The following TIAM1 variants were observed in gnomAD, a reference collection of about 807,000 sequenced individuals.
The protein encoded by TIAM1 is TIAM Rac1 associated GEF 1.
A neutral mutation model predicts 163.5 loss-of-function variants in TIAM1; 65 were observed. That is an observed-to-expected ratio of 0.40 (90% CI 0.33 to 0.49). The LOEUF (loss-of-function observed/expected upper bound fraction) is 0.49, where lower values mean the gene tolerates loss of function less well. TIAM1 is among the 20% of genes least tolerant of loss of function. The probability of loss-of-function intolerance (pLI) is 0.77; values close to 1 mark genes in which losing one functional copy is unlikely to be tolerated. For missense variants in TIAM1, 1,789 were observed against 2,044.7 expected (o/e 0.87, Z 2.41); for synonymous variants, 833 against 810.1 (o/e 1.03, Z -0.48).
chr21:31,514,189 G>GT (rs2047305850), intron 1 of TIAM1, among the ~76,000 whole-genome samples: 1 of 152,084 alleles, frequency 6.6e-6, no homozygotes, highest in Non-Finnish European at 1.5e-5. Context: ...TCCCTGACTT[G>GT]TAGAATCAAA....
chr21:31,494,164 C>A (rs1454314407), intron 1 of TIAM1, among the ~76,000 whole-genome samples: 2 of 152,114 alleles, frequency 1.3e-5, no homozygotes, highest in African/African-American at 2.4e-5. Context: ...TCCAGCCACC[C>A]TGGCCTCCCA....
intron 11 of TIAM1, among the ~76,000 whole-genome samples, chr21:31,208,565 G>A (rs914430257): frequency 6.6e-5 from 10 of 152,132 alleles, no homozygotes; most frequent in East Asian, 5.8e-4. Context: ...TAGAACCCTC[G>A]TACATGAAGG....
At chr21:31,359,383 A>T (rs893896524) in intron 2 of TIAM1, among the ~76,000 whole-genome samples, 1 of 152,184 alleles carries the variant, frequency 6.6e-6, no homozygotes, top group Non-Finnish European at 1.5e-5. Context: ...CCTAAAAATA[A>T]ATACATTTGT....
At chr21:31,535,380 CAAAAAAAAAAAAAAAAAA>C (rs59742048) in intron 1 of TIAM1, among the ~76,000 whole-genome samples, 1 of 54,280 alleles carries the variant, frequency 1.8e-5, no homozygotes, top group Non-Finnish European at 3.2e-5. Flanking sequence ...GGCTCCATCT[CAAAAAAAAAAAAAAAAAA>C]AAAAAAAAAA....
chr21:31,242,951 C>G (rs1287742891), intron 6 of TIAM1, among the ~76,000 whole-genome samples: 1 of 150,274 alleles, frequency 6.7e-6, no homozygotes, highest in African/African-American at 2.4e-5. Context: ...CTTTGGAAGG[C>G]CAAGGCAGGT....
At chr21:31,255,364 T>C (rs1368079142) in intron 4 of TIAM1, among the ~76,000 whole-genome samples, 4 of 152,180 alleles carry the variant, frequency 2.6e-5, no homozygotes, top group Non-Finnish European at 4.4e-5. Flanking sequence ...GTCATGAAAC[T>C]TGGGATGTCC....
At chr21:31,488,995 T>C (rs1405842725) in intron 1 of TIAM1, among the ~76,000 whole-genome samples, 1 of 111,590 alleles carries the variant, frequency 9.0e-6, no homozygotes, top group Non-Finnish European at 1.8e-5. Flanking sequence ...GGAAAATGCA[T>C]GCTACAATCA....
rs758253761 is a variant in TIAM1, at chr21:31,299,718, C to G, written c.-188-22810G>C. 2.0e-5 allele frequency among the ~76,000 whole-genome samples: 3 copies of G among 152,162 alleles called. 1 individual carries two copies. In the South Asian group the frequency reaches 6.2e-4, roughly 32 times the overall value. ...TTGGGGAATGGGCTTCAGAGCCAGA[C>G]AGAATCGGCGGGGATTTTGCCTCTG... On this transcript the variant is annotated intron_variant, in intron 2 of 27. Transcript: ENST00000541036.
chr21:31,263,215 C>G (rs951364208), intron 4 of TIAM1, among the ~76,000 whole-genome samples: 5 of 152,176 alleles, frequency 3.3e-5, no homozygotes, highest in African/African-American at 1.2e-4. Context: ...GGTTTCCATG[C>G]ATGGTATCCT....
Position 31,130,893 on chromosome 21 carries a change from TTTC to T in TIAM1, c.3936_3938del (p.Lys1313del). 6.2e-7 allele frequency: 1 copy of T among 1,613,876 alleles called. No homozygotes were observed. The highest frequency in any genetic ancestry group is 8.5e-7 in the Non-Finnish European group (1 of 1,179,806). On this transcript the variant is annotated inframe_deletion, in exon 24 of 28. Coordinates refer to ENST00000541036, the MANE Select transcript of TIAM1 (RefSeq NM_001353694.2). Reference sequence around the variant, plus strand: ...GGGGTAACATAAGATGTCTTACAAGTTTCTTCTTCTGTTTGGAACCATCTTTAT... The same window carrying T: ...GGGGTAACATAAGATGTCTTACAAGTTTCTTCTGTTTGGAACCATCTTTAT...
intron 2 of TIAM1, among the ~76,000 whole-genome samples, chr21:31,429,025 G>A (rs1339749022): frequency 6.9e-6 from 1 of 144,852 alleles, no homozygotes; most frequent in Admixed American, 6.7e-5. Context: ...TTTAAGGCAG[G>A]GTCTCACTCT....
intron 2 of TIAM1, among the ~76,000 whole-genome samples, chr21:31,320,319 G>A (rs574412194): frequency 1.3e-5 from 2 of 152,218 alleles, no homozygotes; most frequent in East Asian, 3.9e-4. Flanking sequence ...TGAGAAATGG[G>A]AGCTATTGCT....
chr21:31,468,863 G>C (rs956614901), intron 1 of TIAM1, among the ~76,000 whole-genome samples: 1 of 151,702 alleles, frequency 6.6e-6, no homozygotes, highest in African/African-American at 2.4e-5. Context: ...TGGGATCTGT[G>C]CCTGGGAGGC....
At chr21:31,336,340 C>T (rs985357293) in intron 2 of TIAM1, among the ~76,000 whole-genome samples, 11 of 152,132 alleles carry the variant, frequency 7.2e-5, no homozygotes, top group African/African-American at 2.7e-4. Context: ...TGCTTAAACT[C>T]CCTCCGGGGG....
At chr21:31,196,747 C>A (rs921766355) in intron 12 of TIAM1, among the ~76,000 whole-genome samples, 14 of 152,158 alleles carry the variant, frequency 9.2e-5, no homozygotes, top group Admixed American at 7.9e-4. Context: ...ACTTGGTATA[C>A]ATCCAAAAGA....
At chr21:31,464,666 A>C (rs1392291787) in intron 1 of TIAM1, among the ~76,000 whole-genome samples, 2 of 151,666 alleles carry the variant, frequency 1.3e-5, no homozygotes, top group Non-Finnish European at 2.9e-5. Context: ...AACATGGTGA[A>C]ACCCTGTCTC....
At chr21:31,467,173 C>A (rs992152409) in intron 1 of TIAM1, among the ~76,000 whole-genome samples, 4 of 152,156 alleles carry the variant, frequency 2.6e-5, no homozygotes, top group South Asian at 2.1e-4. Context: ...ATAAAAACTT[C>A]TTTTAAAGAT....
intron 2 of TIAM1, among the ~76,000 whole-genome samples, chr21:31,332,042 A>G (rs1292950036): frequency 6.6e-6 from 1 of 152,170 alleles, no homozygotes; most frequent in African/African-American, 2.4e-5. Context: ...ACAAAATGGT[A>G]TATTTTCCCA....
intron 4 of TIAM1, among the ~76,000 whole-genome samples, chr21:31,261,975 G>A (rs2072500723): frequency 6.6e-6 from 1 of 152,086 alleles, no homozygotes; most frequent in Admixed American, 6.6e-5. Context: ...TCACAAGCAT[G>A]CACAACGGCT....
Sources: gnomAD v4.1 joint callset for allele counts (sites outside exome capture counted in the v4.1 genomes callset) on GRCh38, gnomAD v4.1.1 for gene constraint, MANE v1.5 for transcripts, NCBI Gene and HGNC (gene_info 2026-07-23, HGNC 2026-07-21) for gene names.